Variants in CNGA1 observed in about 807,000 individuals in gnomAD.
CNGA1 encodes the protein cyclic nucleotide gated channel subunit alpha 1, also known as cyclic nucleotide-gated channel alpha-1.
A neutral mutation model predicts 69.7 loss-of-function variants in CNGA1; 53 were observed. That is an observed-to-expected ratio of 0.76 (90% CI 0.61 to 0.96). The LOEUF (loss-of-function observed/expected upper bound fraction) is 0.96. CNGA1 is among the 40% of genes least tolerant of loss of function. The pLI, the probability that CNGA1 is intolerant of heterozygous loss-of-function variation, is 0.00. For missense variants in CNGA1, 739 were observed against 811.2 expected, an observed-to-expected ratio of 0.91 and a Z score of 1.08; for synonymous variants, 249 against 283.5, an observed-to-expected ratio of 0.88 and a Z score of 1.22.
chr4:47,969,799 C>A lies in CNGA1; in HGVS notation c.-15+11594G>T, dbSNP rs534651258. On this transcript the variant is annotated intron_variant, in intron 3 of 10. Coordinates refer to ENST00000514170, the MANE Select transcript of CNGA1 (RefSeq NM_001379270.1). Reference sequence around the variant, plus strand: ...CTAAGATTTTAAAAAAACTGCTTGGCGACTATAATCCTACCATCTTCCATC... The same window carrying A: ...CTAAGATTTTAAAAAAACTGCTTGGAGACTATAATCCTACCATCTTCCATC... Among the ~76,000 whole-genome samples, 7 of 152,148 alleles carry A rather than the reference C, an allele frequency of 4.6e-5. No individual in the cohort carries two copies. In the East Asian group the frequency reaches 1.4e-3, roughly 29 times the overall value.
At chr4:47,981,031 G>C (rs1434472523) in intron 3 of CNGA1, among the ~76,000 whole-genome samples, 1 of 152,092 alleles carries the variant, frequency 6.6e-6, no homozygotes, top group Admixed American at 6.6e-5. Flanking sequence ...ATTTACATGA[G>C]TTTGATAGTG....
intron 10 of CNGA1, among the ~76,000 whole-genome samples, chr4:47,939,155 A>G (rs1174549846): frequency 6.6e-6 from 1 of 152,188 alleles, no homozygotes; most frequent in Non-Finnish European, 1.5e-5. Flanking sequence ...AGACTAAGTT[A>G]TGTTTAGAAG....
intron 6 of CNGA1, among the ~76,000 whole-genome samples, chr4:47,947,470 G>A (rs1371672678): frequency 3.3e-5 from 5 of 152,132 alleles, no homozygotes; most frequent in Non-Finnish European, 5.9e-5. Context: ...AGGCCAAGGA[G>A]TTAGAGACCA....
In CNGA1 at chr4:47,955,056, T is replaced by C. The variant is rs529787105; in HGVS notation, c.-14-2353A>G. On this transcript the variant is annotated intron_variant, in intron 3 of 10. Transcript: ENST00000514170. ...GTAATAGTTGTTAAATATTTTAGTA[T>C]CACTTTTTCCTAATTTTGTTACTTA... 2.2e-4 allele frequency among the ~76,000 whole-genome samples: 34 copies of C among 152,196 alleles called. 1 individual carries two copies. Among genetic ancestry groups the C allele is most frequent in the Non-Finnish European group, 4.1e-4 (28 of 68,048 alleles).
intron 2 of CNGA1, among the ~76,000 whole-genome samples, chr4:47,993,324 T>C (rs6447605): frequency 0.11 from 17,239 of 152,062 alleles, 1,574 homozygotes; most frequent in East Asian, 0.32. Context: ...CTGGACTTTT[T>C]TGTTGTTGGT....
chr4:48,006,151 T>C (rs982681967), intron 2 of CNGA1, among the ~76,000 whole-genome samples: 5 of 152,172 alleles, frequency 3.3e-5, no homozygotes, highest in Non-Finnish European at 7.3e-5. Flanking sequence ...GAATATTTTA[T>C]CTCTCCATGA....
chr4:47,979,355 G>A (rs573177559), intron 3 of CNGA1, among the ~76,000 whole-genome samples: 13 of 151,358 alleles, frequency 8.6e-5, no homozygotes, highest in Non-Finnish European at 1.6e-4. Flanking sequence ...TGGCACAAGG[G>A]TTGTCTGCTC....
At chr4:47,988,863 C>T (rs1199537080) in intron 2 of CNGA1, among the ~76,000 whole-genome samples, 3 of 151,728 alleles carry the variant, frequency 2.0e-5, no homozygotes, top group Non-Finnish European at 2.9e-5. Flanking sequence ...ACGTGGTGAT[C>T]GGTTTGGTTG....
chr4:47,967,334 A>G (rs1158578479), intron 3 of CNGA1, among the ~76,000 whole-genome samples: 1 of 152,026 alleles, frequency 6.6e-6, no homozygotes, highest in Non-Finnish European at 1.5e-5. Flanking sequence ...AAAAAAAAGA[A>G]ACTACAGTTG....
intron 1 of CNGA1, among the ~76,000 whole-genome samples, chr4:48,014,988 C>T (rs1004824522): frequency 2.6e-5 from 4 of 151,892 alleles, no homozygotes; most frequent in African/African-American, 7.2e-5. Flanking sequence ...CTGGTTAACA[C>T]GGTGAAACCC....
intron 9 of CNGA1, among the ~76,000 whole-genome samples, chr4:47,941,315 A>G (rs2110137985): frequency 6.6e-6 from 1 of 152,334 alleles, no homozygotes; most frequent in Non-Finnish European, 1.5e-5. Context: ...GTACAAAAAA[A>G]TCTTTAAATA....
chr4:47,942,367 T>G (rs1219651459), intron 8 of CNGA1, among the ~76,000 whole-genome samples: 1 of 151,474 alleles, frequency 6.6e-6, no homozygotes, highest in Non-Finnish European at 1.5e-5. Context: ...CAGTTTTTTT[T>G]TTTTTTTTTT....
At position 47,940,754 on chromosome 4, in the gene CNGA1, C is replaced by A. The variant is rs564987292; in HGVS notation, c.652+9G>T. 7 of 1,499,000 alleles carry A rather than the reference C, an allele frequency of 4.7e-6. No homozygotes were observed. The African/African-American group carries it at 9.6e-5, about 21-fold the overall frequency. 92.9% of individuals were successfully genotyped at this position (1,499,000 alleles called of 1,614,324 possible). ...AAATTTTAAAATATTCAAAACTGAACATATTTACCTGTCCTTGTTCGTACA... is the reference window on the plus strand; with the variant it reads ...AAATTTTAAAATATTCAAAACTGAAAATATTTACCTGTCCTTGTTCGTACA... On this transcript the variant is annotated intron_variant, in intron 10 of 10. Coordinates refer to ENST00000514170, the MANE Select transcript of CNGA1 (RefSeq NM_001379270.1).
Position 47,951,346 on chromosome 4 carries a change from T to G in CNGA1, c.224+7A>C. ...ACAAGCACCAAGGGATGGATCATAC[T>G]GCTCACCTCTGTGATGGTCCTCCCT... On this transcript the variant is annotated splice_region_variant and intron_variant, in intron 5 of 10. Transcript: ENST00000514170. The G allele has an allele frequency of 6.5e-7, 1 of 1,549,922 alleles. No individual in the cohort carries two copies.
chr4:47,992,657 A>ATTATTTAT (rs144346141), intron 2 of CNGA1, among the ~76,000 whole-genome samples: 39,330 of 145,108 alleles, frequency 0.27, 5,828 homozygotes, highest in Admixed American at 0.36. Flanking sequence ...GATGCCATTT[A>ATTATTTAT]TTATTTATTT....
intron 8 of CNGA1, chr4:47,942,921 G>A: frequency 3.1e-6 from 1 of 323,398 alleles, no homozygotes; most frequent in Non-Finnish European, 5.6e-6. Flanking sequence ...TTAGGGAAGA[G>A]AATTAACCCT....
Position 47,952,622 on chromosome 4 carries a change from A to G in CNGA1, c.68T>C (p.Ile23Thr). The change falls in exon 4 of 11, where the codon ATT becomes ACT. Residue 23 changes from isoleucine (I) to threonine (T), a missense_variant. Coordinates refer to ENST00000514170, the MANE Select transcript of CNGA1 (RefSeq NM_001379270.1). Reference protein sequence around the residue: ...VTMPNVIVPDIEKEIRRMENG... With the variant: ...VTMPNVIVPDTEKEIRRMENG... The stretch of plus-strand genomic sequence containing the variant: ...TTCCATCCTTCGTATTTCCTTTTCA[A>G]TATCTGGTACAATCACATTGGGCAT... 1 of 1,611,630 alleles carries G rather than the reference A, an allele frequency of 6.2e-7. No individual in the cohort carries two copies. Among genetic ancestry groups the G allele is most frequent in the South Asian group, 1.1e-5 (1 of 90,738 alleles).
chr4:47,964,755 T>C (rs947346884), intron 3 of CNGA1, among the ~76,000 whole-genome samples: 1 of 152,120 alleles, frequency 6.6e-6, no homozygotes, highest in Non-Finnish European at 1.5e-5. Context: ...AATCATAGAA[T>C]AAATTAGGAA....
intron 3 of CNGA1, among the ~76,000 whole-genome samples, chr4:47,968,322 G>A (rs1740834954): frequency 6.6e-6 from 1 of 152,014 alleles, no homozygotes; most frequent in Non-Finnish European, 1.5e-5. Context: ...ATATTCTAGG[G>A]GAGTTTTTTT....
Sources: gnomAD v4.1 joint callset for allele counts (sites outside exome capture counted in the v4.1 genomes callset) on GRCh38, gnomAD v4.1.1 for gene constraint, MANE v1.5 for transcripts, NCBI Gene and HGNC (gene_info 2026-07-23, HGNC 2026-07-21) for gene names.